PKD2L2: variants seen among roughly 807,000 people sequenced by gnomAD.
PKD2L2 encodes the protein polycystin-2-like protein 2.
PKD2L2 carries 67 observed loss-of-function variants against 83.9 expected under a neutral mutation model. That is an observed-to-expected ratio of 0.80 (90% CI 0.66 to 0.98). PKD2L2 has a LOEUF of 0.98. Ranked by LOEUF, PKD2L2 falls within the 50% of genes least tolerant of loss-of-function variation. PKD2L2 has a pLI of 0.00. For synonymous variants in PKD2L2, 223 were observed against 237.8 expected, an observed-to-expected ratio of 0.94 and a Z score of 0.57; for missense variants, 632 against 717.2, an observed-to-expected ratio of 0.88 and a Z score of 1.36.
rs866658004 is a variant in PKD2L2 at position 137,925,175 on chromosome 5, T to G, written c.1616+71T>G. On this transcript the variant is annotated intron_variant, in intron 11 of 14. Transcript: ENST00000508883. ...CACATTATATGAGAACCTTATAAGG[T>G]TTTTTTTGTTTTTTGTTTGTTTGTT... The G allele has an allele frequency of 2.6e-5, 24 of 937,688 alleles. 1 individual carries two copies. The highest frequency in any genetic ancestry group is 1.5e-4 in the African/African-American group (9 of 60,188). 58.1% of individuals were successfully genotyped at this position (937,688 alleles called of 1,614,324 possible).
At chr5:137,891,453 G>A (rs1755975478) in intron 2 of PKD2L2, among the ~76,000 whole-genome samples, 1 of 150,212 alleles carries the variant, frequency 6.7e-6, no homozygotes. Flanking sequence ...GTGACAGGCT[G>A]AGACCCTGTC....
At chr5:137,899,825 A>C (rs1473624387) in intron 5 of PKD2L2, 88 bp downstream of exon 5, 1 of 662,506 alleles carries the variant, frequency 1.5e-6, no homozygotes, top group Non-Finnish European at 2.7e-6. Context: ...GAACCACATG[A>C]GTTTGAACTG....
chr5:137,900,059 T>A (rs918916339), intron 5 of PKD2L2, among the ~76,000 whole-genome samples: 18 of 152,208 alleles, frequency 1.2e-4, no homozygotes, highest in African/African-American at 4.3e-4. Flanking sequence ...TTATAAGAAG[T>A]TAAAATTTGC....
At chr5:137,915,783 A>G (rs1758275435) in intron 8 of PKD2L2, among the ~76,000 whole-genome samples, 1 of 152,226 alleles carries the variant, frequency 6.6e-6, no homozygotes, top group Non-Finnish European at 1.5e-5. Flanking sequence ...TTATGTAGAA[A>G]ACAAAAATGA....
At chr5:137,929,534 C>CAAAAAAA (rs756601170) in intron 12 of PKD2L2, among the ~76,000 whole-genome samples, 10 of 3,440 alleles carry the variant, frequency 2.9e-3, no homozygotes, top group South Asian at 0.014. Context: ...ACAAAATTGC[C>CAAAAAAA]AAAAAAAAAA....
intron 7 of PKD2L2, among the ~76,000 whole-genome samples, chr5:137,908,140 C>CA (rs1174804926): frequency 6.6e-6 from 1 of 151,996 alleles, no homozygotes; most frequent in Non-Finnish European, 1.5e-5. Context: ...CCTATCTCTA[C>CA]AAAAAATATC....
rs543118971 is a variant in PKD2L2, at chr5:137,927,131, G to A, written c.1671+1202G>A. On this transcript the variant is annotated intron_variant, in intron 12 of 14. Transcript: ENST00000508883. ...AATAAAAGGATTCCATGAATGAGAC[G>A]TTTACAGACCTCTCCACCAAATACT... Among the ~76,000 whole-genome samples the A allele has an allele frequency of 3.9e-5, 6 of 152,242 alleles. No individual in the cohort carries two copies. In the South Asian group the frequency reaches 6.2e-4, roughly 16 times the overall value.
chr5:137,890,678 G>T (rs1755889858), intron 2 of PKD2L2, 96 bp downstream of exon 2: 1 of 554,418 alleles, frequency 1.8e-6, no homozygotes, highest in Admixed American at 3.7e-5. Flanking sequence ...ACCACAGGCT[G>T]TCAGGCTACT....
intron 4 of PKD2L2, among the ~76,000 whole-genome samples, chr5:137,898,501 C>T (rs538016344): frequency 6.6e-6 from 1 of 152,180 alleles, no homozygotes; most frequent in East Asian, 1.9e-4. Context: ...AGAAAAAAAA[C>T]AGTCGTCATT....
At chr5:137,935,258 G>C (rs781336295) in intron 12 of PKD2L2, among the ~76,000 whole-genome samples, 9 of 152,182 alleles carry the variant, frequency 5.9e-5, no homozygotes, top group Non-Finnish European at 1.3e-4. Context: ...CAGTGCACAG[G>C]AAGGTTCAGC....
intron 8 of PKD2L2, among the ~76,000 whole-genome samples, chr5:137,918,093 G>T (rs532234821): frequency 6.6e-5 from 10 of 152,270 alleles, no homozygotes; most frequent in Non-Finnish European, 1.2e-4. Context: ...CCAGACATTT[G>T]AATCTAATAA....
At chr5:137,902,527 C>A (rs946383060) in intron 5 of PKD2L2, among the ~76,000 whole-genome samples, 5 of 152,052 alleles carry the variant, frequency 3.3e-5, no homozygotes, top group Admixed American at 2.0e-4. Flanking sequence ...ATTTTCTCTT[C>A]CCTATGATTT....
intron 14 of PKD2L2, chr5:137,941,914 G>A: frequency 6.5e-7 from 1 of 1,543,214 alleles, no homozygotes; most frequent in Non-Finnish European, 8.9e-7. Context: ...AGAGAAGAAA[G>A]ATGACTCAAT....
At position 137,907,732 on chromosome 5, in the gene PKD2L2, T is replaced by C; in HGVS notation, c.976-10T>C. On this transcript the variant is annotated splice_polypyrimidine_tract_variant and intron_variant, in intron 6 of 14. Transcript: ENST00000508883. ...TTCTCTAATTTAACCCTTCTTATTT[T>C]CCCATTTAGTTGTGTTTTGTGGCTG... 6.9e-7 allele frequency: 1 copy of C among 1,449,780 alleles called. No homozygotes were observed. Among genetic ancestry groups the C allele is most frequent in the Non-Finnish European group, 9.2e-7 (1 of 1,084,740 alleles). 89.8% of individuals were successfully genotyped at this position (1,449,780 alleles called of 1,614,324 possible).
intron 14 of PKD2L2, among the ~76,000 whole-genome samples, chr5:137,937,423 G>C (rs1021545466): frequency 6.6e-6 from 1 of 152,186 alleles, no homozygotes; most frequent in African/African-American, 2.4e-5. Flanking sequence ...TGCTGTAACA[G>C]CCTTATTTGG....
intron 12 of PKD2L2, among the ~76,000 whole-genome samples, chr5:137,928,521 C>T (rs1759571257): frequency 6.6e-6 from 1 of 152,212 alleles, no homozygotes; most frequent in Non-Finnish European, 1.5e-5. Context: ...GCCTCGACCT[C>T]CATGGGCTCA....
At chr5:137,927,770 C>T (rs958377240) in intron 12 of PKD2L2, among the ~76,000 whole-genome samples, 2 of 152,022 alleles carry the variant, frequency 1.3e-5, no homozygotes, top group Non-Finnish European at 2.9e-5. Flanking sequence ...GAGACCAAAC[C>T]CAGATAATTT....
At chr5:137,932,256 G>A (rs930501823) in intron 12 of PKD2L2, among the ~76,000 whole-genome samples, 3 of 151,886 alleles carry the variant, frequency 2.0e-5, no homozygotes, top group Non-Finnish European at 4.4e-5. Flanking sequence ...GCTGAGGCAG[G>A]AGAATTGCTT....
At position 137,899,704 on chromosome 5, in the gene PKD2L2, A is replaced by T. The variant is rs759778781; in HGVS notation, c.713A>T (p.Tyr238Phe). 2 of 1,608,192 alleles carry T rather than the reference A, an allele frequency of 1.2e-6. No individual in the cohort carries two copies. The highest frequency in any genetic ancestry group is 2.7e-5 in the African/African-American group (2 of 74,752). The change falls in exon 5 of 15, where the codon TAT (tyrosine) becomes TTT (phenylalanine). Residue 238 changes from tyrosine (Y) to phenylalanine (F), a missense_variant. By Grantham distance (22) the Tyr-to-Phe change is conservative. Transcript: ENST00000508883. Reference protein sequence around the residue: ...TRVIFIDFSLYNANVNLFCII... With the variant: ...TRVIFIDFSLFNANVNLFCII... ...GTTATTTTTATTGATTTTTCCTTAT[A>T]TAATGCTAATGTAAATCTATTTTGT...
Sources: gnomAD v4.1 joint callset for allele counts (sites outside exome capture counted in the v4.1 genomes callset) on GRCh38, gnomAD v4.1.1 for gene constraint, MANE v1.5 for transcripts, NCBI Gene and HGNC (gene_info 2026-07-23, HGNC 2026-07-21) for gene names.